BST1: variants seen among roughly 807,000 people sequenced by gnomAD.
BST1 encodes the protein ADP-ribosyl cyclase/cyclic ADP-ribose hydrolase 2.
BST1 carries 49 observed loss-of-function variants against 40.6 expected under a neutral mutation model. The ratio of observed to expected loss-of-function variants is 1.21; its 90% CI spans 0.96 to 1.53. BST1 has a LOEUF of 1.53. Among genes scored for constraint, BST1 ranks in the 40% most tolerant of loss-of-function variants. The pLI is 0.00. For missense variants in BST1, 423 were observed against 395.9 expected (o/e 1.07, Z -0.58); for synonymous variants, 157 against 159.3 (o/e 0.99, Z 0.11).
intron 7 of BST1, among the ~76,000 whole-genome samples, chr4:15,721,881 GC>G (rs58571911): frequency 0.14 from 21,954 of 152,078 alleles, 2,987 homozygotes; most frequent in East Asian, 0.5. Flanking sequence ...GACATGGCAT[GC>G]CATAGAGACA....
chr4:15,735,999 G>T, downstream of BST1: 2 of 1,093,498 alleles, frequency 1.8e-6, no homozygotes, highest in Non-Finnish European at 2.5e-6. Flanking sequence ...CATACTGCAC[G>T]CAGAGTAGCA....
At chr4:15,758,683 T>C in the BST1 span, among the ~76,000 whole-genome samples, 2 of 152,238 alleles carry the variant, frequency 1.3e-5, no homozygotes, top group African/African-American at 4.8e-5. Flanking sequence ...TGTACCTTGT[T>C]CATCATCTCC....
chr4:15,741,697 C>A (rs941349842), downstream of BST1, among the ~76,000 whole-genome samples: 3 of 152,176 alleles, frequency 2.0e-5, no homozygotes, highest in African/African-American at 4.8e-5. Context: ...ACATGAAGCT[C>A]AAATTTTAGT....
chr4:15,719,608 G>A (rs571604622), intron 7 of BST1, among the ~76,000 whole-genome samples: 44 of 152,256 alleles, frequency 2.9e-4, no homozygotes, highest in African/African-American at 1.0e-3. Flanking sequence ...CCCTAAGACT[G>A]TGGACCTGCT....
chr4:15,754,606 T>C, the BST1 span, among the ~76,000 whole-genome samples: 5 of 152,212 alleles, frequency 3.3e-5, no homozygotes, highest in Non-Finnish European at 7.3e-5. Flanking sequence ...CTTTATTTTG[T>C]TGAATTTCCA....
At chr4:15,766,968 G>A in the BST1 span, among the ~76,000 whole-genome samples, 29 of 151,866 alleles carry the variant, frequency 1.9e-4, 1 homozygote, top group Non-Finnish European at 3.4e-4. Context: ...TCCCACTGCC[G>A]TTGCCAGCAT....
At chr4:15,706,456 T>C (rs549997802) in intron 2 of BST1, among the ~76,000 whole-genome samples, 29 of 152,330 alleles carry the variant, frequency 1.9e-4, no homozygotes, top group African/African-American at 6.5e-4. Flanking sequence ...ATTTATTTAG[T>C]ACCAGTTTAT....
intron 2 of BST1, among the ~76,000 whole-genome samples, chr4:15,705,992 T>C (rs904200671): frequency 2.6e-5 from 4 of 152,070 alleles, no homozygotes; most frequent in Non-Finnish European, 5.9e-5. Context: ...GCAGGTGTCT[T>C]ACATGGCACG....
chr4:15,705,444 C>A (rs1719827357), intron 1 of BST1, 71 bp from the exon 2 acceptor site: 2 of 1,481,358 alleles, frequency 1.4e-6, no homozygotes, highest in South Asian at 1.4e-5. Context: ...AGCTCTTAGA[C>A]AAATGGGCAT....
the BST1 span, among the ~76,000 whole-genome samples, chr4:15,773,687 T>A: frequency 2.0e-5 from 3 of 152,168 alleles, no homozygotes; most frequent in African/African-American, 7.2e-5. Flanking sequence ...CCCCAGCTAC[T>A]CAGGAGACTG....
At chr4:15,705,741 A>C in intron 2 of BST1, 100 bp downstream of exon 2, 3 of 1,450,668 alleles carry the variant, frequency 2.1e-6, no homozygotes, top group Non-Finnish European at 2.9e-6. Flanking sequence ...TGCATCCTGC[A>C]ATGTCACAGA....
the BST1 span, among the ~76,000 whole-genome samples, chr4:15,758,941 C>T: frequency 3.9e-5 from 6 of 151,966 alleles, no homozygotes; most frequent in South Asian, 4.1e-4. Context: ...AGGTGGATTA[C>T]GGAGCTATGG....
At chr4:15,716,739 G>A (rs982807487) in intron 6 of BST1, among the ~76,000 whole-genome samples, 5 of 152,098 alleles carry the variant, frequency 3.3e-5, no homozygotes, top group African/African-American at 7.2e-5. Context: ...AACGTGTATC[G>A]TTGGTCTTAT....
At chr4:15,735,526 A>T (rs1415141947), downstream of BST1, among the ~76,000 whole-genome samples, 5 of 152,346 alleles carry the variant, frequency 3.3e-5, no homozygotes, top group East Asian at 9.6e-4. Flanking sequence ...GCATACTTTC[A>T]TAAAACACTT....
chr4:15,741,692 A>G (rs746222033), downstream of BST1, among the ~76,000 whole-genome samples: 14 of 152,188 alleles, frequency 9.2e-5, no homozygotes, highest in Non-Finnish European at 1.6e-4. Flanking sequence ...AAACTACATG[A>G]AGCTCAAATT....
chr4:15,756,949 C>A, the BST1 span, among the ~76,000 whole-genome samples: 1 of 152,156 alleles, frequency 6.6e-6, no homozygotes, highest in African/African-American at 2.4e-5. Context: ...TGAAAAGCTG[C>A]CCTTTGTAAA....
At chr4:15,713,277 C>T (rs1720320002) in intron 4 of BST1, among the ~76,000 whole-genome samples, 1 of 150,376 alleles carries the variant, frequency 6.6e-6, no homozygotes, top group South Asian at 2.1e-4. Context: ...CCTCTGCCTC[C>T]CGAGTTCAAG....
Position 15,723,804 on chromosome 4 carries a change from C to T in BST1, c.851+870C>T, listed in dbSNP as rs562665824. On this transcript the variant is annotated intron_variant, in intron 8 of 8. Transcript: ENST00000265016. ...AAAAAGGCTGTGCCAGCATACACTT[C>T]CACCACCAGTATATGCTAGGAGTGC... is the stretch of plus-strand genomic sequence containing the variant. 1.8e-4 allele frequency: 33 copies of T among 184,124 alleles called. No homozygotes were observed. The South Asian group carries it at 5.5e-3, about 30-fold the overall frequency. 11.4% of individuals were successfully genotyped at this position (184,124 alleles called of 1,614,324 possible).
At chr4:15,761,290 A>G in the BST1 span, among the ~76,000 whole-genome samples, 1 of 151,962 alleles carries the variant, frequency 6.6e-6, no homozygotes, top group Non-Finnish European at 1.5e-5. Context: ...TTTGTTAAAA[A>G]TGGAGTTTTA....
Sources: gnomAD v4.1 joint callset for allele counts (sites outside exome capture counted in the v4.1 genomes callset) on GRCh38, gnomAD v4.1.1 for gene constraint, MANE v1.5 for transcripts, NCBI Gene and HGNC (gene_info 2026-07-23, HGNC 2026-07-21) for gene names.